ATP2B2: variants seen among roughly 807,000 people sequenced by gnomAD.
ATP2B2 encodes plasma membrane calcium-transporting ATPase 2.
Under a neutral mutation model 120.0 loss-of-function variants are expected in ATP2B2, and 15 were observed. That is an observed-to-expected ratio of 0.12 (90% CI 0.08 to 0.19). ATP2B2 has a LOEUF of 0.19. Ranked by LOEUF, ATP2B2 falls within the 10% of genes least tolerant of loss-of-function variation. The probability of loss-of-function intolerance (pLI) is 1.00; values close to 1 mark genes in which losing one functional copy is unlikely to be tolerated. For missense variants in ATP2B2, 1,045 were observed against 1,719.8 expected (o/e 0.61, Z 6.94); for synonymous variants, 694 against 700.3 (o/e 0.99, Z 0.14).
intron 8 of ATP2B2, among the ~76,000 whole-genome samples, chr3:10,384,327 A>AT (rs1202928341): frequency 3.9e-5 from 6 of 152,048 alleles, no homozygotes; most frequent in East Asian, 1.9e-4. Flanking sequence ...TGGGAAAAAG[A>AT]TTTTCCCCTG....
chr3:10,669,823 C>T (rs1034252158), intron 1 of ATP2B2, among the ~76,000 whole-genome samples: 1 of 152,180 alleles, frequency 6.6e-6, no homozygotes, highest in African/African-American at 2.4e-5. Flanking sequence ...CCCTGAACAC[C>T]TGCATAGCTG....
At chr3:10,337,452 A>C (rs1427904313) in intron 22 of ATP2B2, among the ~76,000 whole-genome samples, 1 of 152,082 alleles carries the variant, frequency 6.6e-6, no homozygotes, top group Non-Finnish European at 1.5e-5. Flanking sequence ...TGTGAGCTAC[A>C]ACACCTGCTC....
chr3:10,498,610 CG>C (rs1309747724), intron 1 of ATP2B2, among the ~76,000 whole-genome samples: 1 of 152,202 alleles, frequency 6.6e-6, no homozygotes, highest in Admixed American at 6.5e-5. Flanking sequence ...AAAATGGTCC[CG>C]GGGCAGCCAG....
At chr3:10,657,593 G>T (rs374315924) in intron 1 of ATP2B2, among the ~76,000 whole-genome samples, 2 of 152,222 alleles carry the variant, frequency 1.3e-5, no homozygotes, top group African/African-American at 2.4e-5. Context: ...TAAACAAAGC[G>T]GCCTGGAAGC....
intron 3 of ATP2B2, among the ~76,000 whole-genome samples, chr3:10,407,012 C>T (rs1191439356): frequency 6.6e-6 from 1 of 152,190 alleles, no homozygotes; most frequent in African/African-American, 2.4e-5. Context: ...GTATTTCTTG[C>T]CTGCCCCCAG....
At chr3:10,683,830 T>C (rs757388267) in intron 1 of ATP2B2, among the ~76,000 whole-genome samples, 1 of 140,834 alleles carries the variant, frequency 7.1e-6, no homozygotes, top group African/African-American at 2.6e-5. Flanking sequence ...TCTCGCTCTG[T>C]TACCTGGGCT....
chr3:10,676,524 C>T (rs1180186211), intron 1 of ATP2B2, among the ~76,000 whole-genome samples: 2 of 149,130 alleles, frequency 1.3e-5, no homozygotes, highest in Non-Finnish European at 3.0e-5. Flanking sequence ...AGGGACAGAA[C>T]CACACACACA....
At chr3:10,464,067 C>T (rs2064621884) in intron 1 of ATP2B2, among the ~76,000 whole-genome samples, 1 of 152,236 alleles carries the variant, frequency 6.6e-6, no homozygotes, top group South Asian at 2.1e-4. Flanking sequence ...GATTAGTGAC[C>T]ATCCTGGCTG....
At chr3:10,618,102 T>A (rs1483231949) in intron 2 of ATP2B2, among the ~76,000 whole-genome samples, 1 of 152,246 alleles carries the variant, frequency 6.6e-6, no homozygotes, top group East Asian at 1.9e-4. Context: ...CATTGTTTTA[T>A]CCATTGTCCA....
intron 3 of ATP2B2, among the ~76,000 whole-genome samples, chr3:10,407,312 A>G (rs543127794): frequency 6.6e-6 from 1 of 152,356 alleles, no homozygotes; most frequent in Admixed American, 6.5e-5. Context: ...CAATGTGAGC[A>G]CCAGGGATCT....
chr3:10,416,325 C>T lies in ATP2B2; in HGVS notation c.200-5510G>A, dbSNP rs141563575. On this transcript the variant is annotated intron_variant, in intron 2 of 22. Coordinates refer to ENST00000360273, the MANE Select transcript of ATP2B2 (RefSeq NM_001001331.4). ...TCCTGGATACAAACTGGGCTCTTCC[C>T]CAGCCTCTAAACCTCTGCCCTGGCC... Among the ~76,000 whole-genome samples, 384 of 152,282 alleles carry T rather than the reference C, an allele frequency of 2.5e-3. 7 individuals carry two copies. In the South Asian group the frequency reaches 0.03, roughly 12 times the overall value.
At chr3:10,352,234 G>A (rs1275626558) in intron 14 of ATP2B2, among the ~76,000 whole-genome samples, 1 of 152,232 alleles carries the variant, frequency 6.6e-6, no homozygotes, top group Non-Finnish European at 1.5e-5. Flanking sequence ...AGGAGGGCAG[G>A]GGCCATGGGG....
intron 2 of ATP2B2, among the ~76,000 whole-genome samples, chr3:10,418,926 G>A (rs1480901314): frequency 3.3e-5 from 5 of 152,310 alleles, no homozygotes; most frequent in African/African-American, 7.2e-5. Flanking sequence ...GGAGCTGGGC[G>A]CCTTGTCTGC....
intron 1 of ATP2B2, among the ~76,000 whole-genome samples, chr3:10,644,789 G>C (rs1025701191): frequency 6.6e-6 from 1 of 152,172 alleles, no homozygotes; most frequent in Non-Finnish European, 1.5e-5. Flanking sequence ...TTTTCTTTTG[G>C]GGTGATGGAA....
chr3:10,668,276 A>G (rs1236893357), intron 1 of ATP2B2, among the ~76,000 whole-genome samples: 1 of 152,232 alleles, frequency 6.6e-6, no homozygotes, highest in African/African-American at 2.4e-5. Flanking sequence ...AAAGGTTCAG[A>G]GAGGTTAAGC....
intron 3 of ATP2B2, among the ~76,000 whole-genome samples, chr3:10,514,075 T>C (rs953218330): frequency 3.3e-4 from 50 of 152,332 alleles, no homozygotes; most frequent in African/African-American, 1.1e-3. Flanking sequence ...TTAAGGTGGC[T>C]TTGATGATCA....
intron 2 of ATP2B2, among the ~76,000 whole-genome samples, chr3:10,611,559 G>C (rs1575556461): frequency 6.6e-6 from 1 of 152,282 alleles, no homozygotes; most frequent in East Asian, 1.9e-4. Flanking sequence ...TCAGTGACAT[G>C]TGCTTGGGGG....
chr3:10,534,367 C>T (rs187370560), intron 2 of ATP2B2, among the ~76,000 whole-genome samples: 1 of 152,368 alleles, frequency 6.6e-6, no homozygotes, highest in African/African-American at 2.4e-5. Flanking sequence ...CACCTGCTGG[C>T]AGGGGTCTCT....
chr3:10,443,401 C>G (rs2125151803), intron 2 of ATP2B2, among the ~76,000 whole-genome samples: 1 of 152,262 alleles, frequency 6.6e-6, no homozygotes, highest in African/African-American at 2.4e-5. Context: ...CAGCCCACTC[C>G]ATCTTTAAGC....
Sources: allele counts gnomAD v4.1 joint callset (sites outside exome capture counted in the v4.1 genomes callset), GRCh38; gene constraint gnomAD v4.1.1; transcripts MANE v1.5; gene names NCBI Gene and HGNC (gene_info 2026-07-23, HGNC 2026-07-21).